The following BBS9 variants were observed in gnomAD, a reference collection of about 807,000 sequenced individuals.
The protein encoded by BBS9 is Bardet-Biedl syndrome 9.
Under a neutral mutation model 117.7 loss-of-function variants are expected in BBS9, and 89 were observed. The ratio of observed to expected loss-of-function variants is 0.76; its 90% confidence interval spans 0.64 to 0.90. BBS9 has a LOEUF of 0.90. BBS9 is among the 40% of genes least tolerant of loss of function. The pLI, the probability that BBS9 is intolerant of heterozygous loss-of-function variation, is 0.00. For synonymous variants in BBS9, 379 were observed against 370.9 expected (o/e 1.02, Z -0.25); for missense variants, 982 against 1,042.2 (o/e 0.94, Z 0.80).
chr7:33,491,795 A>C lies in BBS9; in HGVS notation c.2116-13668A>C, dbSNP rs1843937024. On this transcript the variant is annotated intron_variant, in intron 19 of 22. Coordinates refer to ENST00000242067, the MANE Select transcript of BBS9 (RefSeq NM_198428.3). The stretch of plus-strand genomic sequence containing the variant: ...TTTATATACAAAATCAATCCCATGA[A>C]GAGGTACTGAAATTATTGGGATTGT... 7.9e-5 allele frequency among the ~76,000 whole-genome samples: 12 copies of C among 152,354 alleles called. No individual in the cohort carries two copies. In the South Asian group the frequency reaches 2.5e-3, roughly 32 times the overall value.
intron 21 of BBS9, among the ~76,000 whole-genome samples, chr7:33,572,214 C>T (rs897745123): frequency 6.6e-6 from 1 of 152,042 alleles, no homozygotes; most frequent in Non-Finnish European, 1.5e-5. Context: ...CTTTCTGTGT[C>T]TAGCTTATTT....
chr7:33,508,457 C>T (rs1846451237), intron 20 of BBS9, among the ~76,000 whole-genome samples: 2 of 152,226 alleles, frequency 1.3e-5, no homozygotes, highest in Admixed American at 6.5e-5. Context: ...TCAGTCTAGA[C>T]ATAACATGCC....
At chr7:33,596,358 A>AT (rs1020942908) in intron 21 of BBS9, among the ~76,000 whole-genome samples, 1 of 40,792 alleles carries the variant, frequency 2.5e-5, no homozygotes, top group Admixed American at 2.6e-4. Flanking sequence ...TTGATATATA[A>AT]TTATCTATCT....
chr7:33,152,244 C>A (rs1374758894), intron 2 of BBS9, among the ~76,000 whole-genome samples: 1 of 152,068 alleles, frequency 6.6e-6, no homozygotes. Context: ...TATCATTTCC[C>A]CTGCTTGTAC....
chr7:33,133,903 G>A (rs945801910), intron 1 of BBS9, among the ~76,000 whole-genome samples: 10 of 152,148 alleles, frequency 6.6e-5, no homozygotes, highest in Non-Finnish European at 1.2e-4. Context: ...TGGTTGCATC[G>A]TTTTGCATTC....
At chr7:33,410,888 C>CAT (rs10636102) in intron 19 of BBS9, among the ~76,000 whole-genome samples, 132,159 of 151,752 alleles carry the variant, frequency 0.87, 57,823 homozygotes, top group African/African-American at 0.97. Context: ...TTTTCACACA[C>CAT]GTCTCGTAAG....
At chr7:33,314,375 C>A in intron 9 of BBS9, 1 of 365,922 alleles carries the variant, frequency 2.7e-6, no homozygotes, top group Admixed American at 3.8e-5. Flanking sequence ...TTTATACATT[C>A]AAAGCTCAGT....
intron 21 of BBS9, among the ~76,000 whole-genome samples, chr7:33,624,894 C>T (rs1865568648): frequency 6.6e-6 from 1 of 152,166 alleles, no homozygotes; most frequent in African/African-American, 2.4e-5. Flanking sequence ...TGGTCTGGTA[C>T]AGGTTATCCT....
At chr7:33,426,680 G>A (rs972193482) in intron 19 of BBS9, among the ~76,000 whole-genome samples, 1 of 151,762 alleles carries the variant, frequency 6.6e-6, no homozygotes, top group Admixed American at 6.6e-5. Context: ...AAAAAAAAAC[G>A]GAGTTTTTTA....
At chr7:33,466,880 G>A (rs577733096) in intron 19 of BBS9, among the ~76,000 whole-genome samples, 6 of 152,092 alleles carry the variant, frequency 3.9e-5, no homozygotes, top group Non-Finnish European at 8.8e-5. Flanking sequence ...CCTCAGTGTG[G>A]AAATCTTGGA....
intron 6 of BBS9, among the ~76,000 whole-genome samples, chr7:33,260,270 A>G (rs6462466): frequency 0.78 from 118,979 of 152,172 alleles, 46,695 homozygotes; most frequent in Admixed American, 0.84. Context: ...CCAAAGTGCT[A>G]GGATTACATG....
intron 15 of BBS9, among the ~76,000 whole-genome samples, chr7:33,353,119 C>T (rs577911307): frequency 7.2e-5 from 11 of 152,138 alleles, no homozygotes; most frequent in African/African-American, 2.4e-4. Flanking sequence ...AATAGAATGT[C>T]TTTTTTGAAA....
chr7:33,241,708 A>G (rs1436635070), intron 5 of BBS9, among the ~76,000 whole-genome samples: 1 of 151,884 alleles, frequency 6.6e-6, no homozygotes, highest in African/African-American at 2.4e-5. Flanking sequence ...TCTTATTAAA[A>G]CTGCTCTTAG....
At chr7:33,207,713 A>G (rs1016722434) in intron 5 of BBS9, among the ~76,000 whole-genome samples, 1 of 152,212 alleles carries the variant, frequency 6.6e-6, no homozygotes, top group Non-Finnish European at 1.5e-5. Context: ...GGACAGTGCT[A>G]GAAAATATGT....
At chr7:33,260,073 C>T (rs1797726206) in intron 6 of BBS9, among the ~76,000 whole-genome samples, 1 of 150,956 alleles carries the variant, frequency 6.6e-6, no homozygotes, top group African/African-American at 2.4e-5. Flanking sequence ...GATTTTGGCT[C>T]ACTGCAACCT....
chr7:33,319,012 A>C (rs1584296224), intron 9 of BBS9, among the ~76,000 whole-genome samples: 1 of 152,204 alleles, frequency 6.6e-6, no homozygotes, highest in Admixed American at 6.5e-5. Context: ...AAAATACAAA[A>C]GTTAGCTGGG....
chr7:33,553,119 C>T (rs1217085735), intron 21 of BBS9, among the ~76,000 whole-genome samples: 1 of 152,170 alleles, frequency 6.6e-6, no homozygotes, highest in Non-Finnish European at 1.5e-5. Context: ...GACTTATAGC[C>T]ATTCTCAGAT....
intron 19 of BBS9, among the ~76,000 whole-genome samples, chr7:33,425,470 T>G (rs1833529147): frequency 6.6e-6 from 1 of 152,222 alleles, no homozygotes; most frequent in African/African-American, 2.4e-5. Flanking sequence ...AAGCCCAGCA[T>G]GCATTAGCTG....
chr7:33,297,219 T>C (rs1430761264), intron 9 of BBS9, among the ~76,000 whole-genome samples: 1 of 152,186 alleles, frequency 6.6e-6, no homozygotes, highest in African/African-American at 2.4e-5. Flanking sequence ...GATTTTTCTC[T>C]ACATGTTTGC....
Sources: allele counts gnomAD v4.1 joint callset (sites outside exome capture counted in the v4.1 genomes callset), GRCh38; gene constraint gnomAD v4.1.1; transcripts MANE v1.5; gene names NCBI Gene and HGNC (gene_info 2026-07-23, HGNC 2026-07-21).